Variants in CEP112 observed in about 807,000 individuals in gnomAD.
CEP112 encodes centrosomal protein of 112 kDa.
A neutral mutation model predicts 153.0 loss-of-function variants in CEP112; 127 were observed. The observed-to-expected ratio is 0.83, with a 90% CI of 0.72 to 0.96. CEP112 has a LOEUF of 0.96. CEP112 is among the 40% of genes least tolerant of loss of function. The probability of loss-of-function intolerance (pLI) is 0.00; values close to 1 mark genes in which losing one functional copy is unlikely to be tolerated. For synonymous variants in CEP112, 358 were observed against 374.4 expected (o/e 0.96, Z 0.51); for missense variants, 1,089 against 1,101.2 (o/e 0.99, Z 0.16).
chr17:65,832,385 A>G (rs2057116973), intron 21 of CEP112, among the ~76,000 whole-genome samples: 2 of 152,054 alleles, frequency 1.3e-5, no homozygotes, highest in Admixed American at 6.5e-5. Flanking sequence ...AAAGCCATTC[A>G]AAAGATCAGT....
intron 4 of CEP112, among the ~76,000 whole-genome samples, chr17:66,168,915 T>A (rs2072117171): frequency 6.6e-6 from 1 of 152,124 alleles, no homozygotes; most frequent in African/African-American, 2.4e-5. Flanking sequence ...GACCAACCCT[T>A]GTGCTTCTCC....
intron 19 of CEP112, among the ~76,000 whole-genome samples, chr17:65,915,527 T>C (rs372566525): frequency 6.6e-6 from 1 of 152,052 alleles, no homozygotes; most frequent in African/African-American, 2.4e-5. Flanking sequence ...AGCTCACGCC[T>C]GTAATCCCAG....
intron 8 of CEP112, among the ~76,000 whole-genome samples, chr17:66,088,603 C>T (rs1326846295): frequency 2.0e-5 from 3 of 152,080 alleles, no homozygotes; most frequent in South Asian, 2.1e-4. Context: ...GCTTTAGACC[C>T]ACCCAACCTC....
At chr17:65,944,116 C>A (rs2061581085) in intron 18 of CEP112, among the ~76,000 whole-genome samples, 2 of 152,130 alleles carry the variant, frequency 1.3e-5, no homozygotes, top group South Asian at 4.1e-4. Context: ...GAACAGAAAA[C>A]CAAACACTGC....
chr17:65,939,119 GA>G (rs1035185452), intron 18 of CEP112, among the ~76,000 whole-genome samples: 6 of 151,900 alleles, frequency 3.9e-5, no homozygotes, highest in Non-Finnish European at 8.8e-5. Context: ...GCCCAAAAAA[GA>G]AATTTTTAAG....
At chr17:65,643,059 A>C (rs963192289) in intron 24 of CEP112, among the ~76,000 whole-genome samples, 1 of 152,142 alleles carries the variant, frequency 6.6e-6, no homozygotes, top group East Asian at 1.9e-4. Context: ...TTCCCTGCCC[A>C]CTGGCCATTC....
At chr17:65,846,247 G>T (rs2057720495) in intron 21 of CEP112, among the ~76,000 whole-genome samples, 1 of 152,142 alleles carries the variant, frequency 6.6e-6, no homozygotes, top group South Asian at 2.1e-4. Context: ...TGACATAACA[G>T]ACTCACAAAA....
chr17:65,801,870 C>T lies in CEP112; in HGVS notation c.2394+49934G>A, dbSNP rs186160231. 2.8e-3 allele frequency among the ~76,000 whole-genome samples: 429 copies of T among 152,236 alleles called. 4 individuals are homozygous for T. The highest frequency in any genetic ancestry group is 9.9e-3 in the African/African-American group (411 of 41,524). On this transcript the variant is annotated intron_variant, in intron 21 of 26. Coordinates refer to ENST00000535342, the MANE Select transcript of CEP112 (RefSeq NM_001199165.4). The stretch of plus-strand genomic sequence containing the variant: ...CAGTTTCTATTATTTTTCCCCCTGC[C>T]CACGGGAAATAAAGTGTGCCCATGC...
chr17:66,166,382 A>AT (rs1362419570), intron 4 of CEP112, among the ~76,000 whole-genome samples: 3 of 152,176 alleles, frequency 2.0e-5, no homozygotes, highest in East Asian at 1.9e-4. Context: ...CTATTAAATC[A>AT]TTTTTTTACA....
chr17:65,638,751 C>T (rs763616969), intron 25 of CEP112, among the ~76,000 whole-genome samples: 3 of 152,130 alleles, frequency 2.0e-5, no homozygotes, highest in South Asian at 2.1e-4. Context: ...GTGACTCCTG[C>T]GTGCAGCTGC....
chr17:65,894,572 T>C (rs2059595910), intron 20 of CEP112, among the ~76,000 whole-genome samples: 1 of 152,110 alleles, frequency 6.6e-6, no homozygotes. Context: ...GGATCATATG[T>C]AATATTCCAA....
intron 23 of CEP112, among the ~76,000 whole-genome samples, chr17:65,727,656 A>G (rs1228678042): frequency 6.6e-6 from 1 of 152,232 alleles, no homozygotes; most frequent in East Asian, 1.9e-4. Flanking sequence ...GATAGACTGG[A>G]AAGAAGGGCC....
intron 24 of CEP112, among the ~76,000 whole-genome samples, chr17:65,650,942 T>C (rs2045740080): frequency 6.6e-6 from 1 of 151,890 alleles, no homozygotes; most frequent in Non-Finnish European, 1.5e-5. Context: ...TATATATATA[T>C]TTTATTTCCA....
chr17:65,720,400 C>G (rs1441596614), intron 23 of CEP112, among the ~76,000 whole-genome samples: 5 of 152,272 alleles, frequency 3.3e-5, no homozygotes, highest in East Asian at 1.9e-4. Context: ...AAGCCAGGAA[C>G]AGTTTCCCTG....
intron 20 of CEP112, among the ~76,000 whole-genome samples, chr17:65,895,768 T>C (rs2059637980): frequency 1.3e-5 from 2 of 152,126 alleles, no homozygotes; most frequent in Admixed American, 1.3e-4. Flanking sequence ...TGGAATACAG[T>C]TGGATGTGGT....
chr17:65,954,056 C>T (rs544328585), intron 18 of CEP112, among the ~76,000 whole-genome samples: 10 of 152,288 alleles, frequency 6.6e-5, no homozygotes, highest in South Asian at 2.1e-4. Context: ...ACAAAACCAG[C>T]GCACTAAACA....
intron 10 of CEP112, among the ~76,000 whole-genome samples, 177 bp downstream of exon 10, chr17:66,066,601 A>G (rs1357592037): frequency 1.3e-5 from 2 of 150,726 alleles, no homozygotes; most frequent in African/African-American, 4.9e-5. Context: ...ACACACACAA[A>G]TAAACACAGT....
intron 23 of CEP112, among the ~76,000 whole-genome samples, chr17:65,742,215 G>A (rs2051179153): frequency 6.6e-6 from 1 of 152,072 alleles, no homozygotes; most frequent in Non-Finnish European, 1.5e-5. Context: ...AGGTGAGGCA[G>A]GAAAGGGCAG....
At chr17:66,091,454 A>G (rs1409985253) in intron 8 of CEP112, among the ~76,000 whole-genome samples, 1 of 152,178 alleles carries the variant, frequency 6.6e-6, no homozygotes, top group African/African-American at 2.4e-5. Context: ...TATGTCAAAG[A>G]AGAAATTAAA....
Sources: gnomAD v4.1 joint callset for allele counts (sites outside exome capture counted in the v4.1 genomes callset) on GRCh38, gnomAD v4.1.1 for gene constraint, MANE v1.5 for transcripts, NCBI Gene and HGNC (gene_info 2026-07-23, HGNC 2026-07-21) for gene names.